L3MBTL4: variants seen among roughly 807,000 people sequenced by gnomAD.
The protein encoded by L3MBTL4 is L3MBTL histone methyl-lysine binding protein 4.
In L3MBTL4, 70 loss-of-function variants were observed where a neutral mutation model predicts 84.5. The ratio of observed to expected loss-of-function variants is 0.83; its 90% CI spans 0.68 to 1.01. The LOEUF (loss-of-function observed/expected upper bound fraction) is 1.01, where lower values mean the gene tolerates loss of function less well. L3MBTL4 is among the 50% of genes least tolerant of loss of function. The pLI, the probability that L3MBTL4 is intolerant of heterozygous loss-of-function variation, is 0.00. For synonymous variants in L3MBTL4, 274 were observed against 259.8 expected, an observed-to-expected ratio of 1.05 and a Z score of -0.52; for missense variants, 715 against 754.8, an observed-to-expected ratio of 0.95 and a Z score of 0.62.
intron 17 of L3MBTL4, among the ~76,000 whole-genome samples, chr18:5,964,313 T>G (rs2052223441): frequency 6.6e-6 from 1 of 152,216 alleles, no homozygotes; most frequent in Non-Finnish European, 1.5e-5. Context: ...CACGACCTAC[T>G]TTCCCTGGCA....
chr18:5,958,007 G>A (rs1260501680), intron 18 of L3MBTL4, among the ~76,000 whole-genome samples: 3 of 144,718 alleles, frequency 2.1e-5, no homozygotes, highest in Non-Finnish European at 3.0e-5. Flanking sequence ...GGAAGGAGAA[G>A]GAGGAGGAGG....
intron 16 of L3MBTL4, among the ~76,000 whole-genome samples, chr18:6,043,562 C>G (rs758888057): frequency 6.6e-6 from 1 of 152,204 alleles, no homozygotes; most frequent in Admixed American, 6.5e-5. Flanking sequence ...AATAAATAGG[C>G]TCTTAAGAGC....
rs1266689734 is a variant in L3MBTL4, at chr18:6,298,882, A to C, written c.127+3021T>G. On this transcript the variant is annotated intron_variant, in intron 4 of 18. Transcript: ENST00000317931. Reference sequence around the variant, plus strand: ...AGAGGGAAATTCTGTCCAAAAAAAAACAAAACAAAACAAAACAAACCCTCA... The same window carrying C: ...AGAGGGAAATTCTGTCCAAAAAAAACCAAAACAAAACAAAACAAACCCTCA... Among the ~76,000 whole-genome samples, 4 of 152,118 alleles carry C rather than the reference A, an allele frequency of 2.6e-5. No homozygotes were observed. The South Asian group carries it at 6.2e-4, about 24-fold the overall frequency.
intron 14 of L3MBTL4, among the ~76,000 whole-genome samples, chr18:6,114,800 G>A (rs2144170105): frequency 6.6e-6 from 1 of 152,296 alleles, no homozygotes; most frequent in Non-Finnish European, 1.5e-5. Context: ...ACTCTGTGAG[G>A]ATGCAGGACC....
intron 13 of L3MBTL4, among the ~76,000 whole-genome samples, chr18:6,159,862 T>C (rs1190081832): frequency 6.6e-6 from 1 of 152,286 alleles, no homozygotes; most frequent in South Asian, 2.1e-4. Flanking sequence ...ATCTATCTTA[T>C]TAGAAGCACT....
chr18:5,988,380 A>AGC (rs2053553885), intron 16 of L3MBTL4, among the ~76,000 whole-genome samples: 1 of 152,224 alleles, frequency 6.6e-6, no homozygotes, highest in Admixed American at 6.5e-5. Context: ...GCCCTGTATG[A>AGC]TATATTCAGA....
chr18:6,227,056 A>T (rs1041763578), intron 10 of L3MBTL4, among the ~76,000 whole-genome samples: 37 of 152,182 alleles, frequency 2.4e-4, no homozygotes, highest in Admixed American at 4.6e-4. Context: ...AAAAAGAAAA[A>T]TACATAAAAA....
chr18:6,054,701 A>C (rs1236948695), intron 16 of L3MBTL4, among the ~76,000 whole-genome samples: 1 of 152,176 alleles, frequency 6.6e-6, no homozygotes, highest in Non-Finnish European at 1.5e-5. Flanking sequence ...AGAGCTCCAC[A>C]ACAGCTCAGA....
At chr18:6,066,239 T>G (rs1458841746) in intron 16 of L3MBTL4, among the ~76,000 whole-genome samples, 1 of 152,154 alleles carries the variant, frequency 6.6e-6, no homozygotes, top group African/African-American at 2.4e-5. Context: ...TGATTTCGAT[T>G]TTTAAAAATT....
intron 16 of L3MBTL4, among the ~76,000 whole-genome samples, chr18:6,000,315 G>T (rs951791241): frequency 3.3e-5 from 5 of 152,118 alleles, no homozygotes; most frequent in Admixed American, 1.3e-4. Flanking sequence ...AGAAAATAAA[G>T]TAGAAATGTG....
chr18:6,040,396 C>A (rs1265473848), intron 16 of L3MBTL4, among the ~76,000 whole-genome samples: 2 of 152,130 alleles, frequency 1.3e-5, no homozygotes. Flanking sequence ...TGCTATATAT[C>A]CTGTTCCAAT....
Position 6,087,026 on chromosome 18 carries a change from C to T in L3MBTL4, c.1374-6075G>A, listed in dbSNP as rs562651670. On this transcript the variant is annotated intron_variant, in intron 15 of 18. Transcript: ENST00000317931. ...GTTCAAATCCTTGTCCTGACACTTACTAGTTTGGGTGATTTTCTTATCACC... is the reference window on the plus strand; with the variant it reads ...GTTCAAATCCTTGTCCTGACACTTATTAGTTTGGGTGATTTTCTTATCACC... 1.1e-4 allele frequency among the ~76,000 whole-genome samples: 17 copies of T among 152,306 alleles called. No individual in the cohort carries two copies. The South Asian group carries it at 3.3e-3, about 30-fold the overall frequency.
chr18:6,090,593 TACACACACACAC>T (rs71163260), intron 15 of L3MBTL4, among the ~76,000 whole-genome samples: 6 of 86,778 alleles, frequency 6.9e-5, no homozygotes, highest in Admixed American at 1.2e-4. Context: ...ATTATATATA[TACACACACACAC>T]ACACACACAC....
Position 6,081,004 on chromosome 18 carries a change from G to T in L3MBTL4, c.1374-53C>A, listed in dbSNP as rs371510100. 491 of 1,354,838 alleles carry T rather than the reference G, an allele frequency of 3.6e-4. No homozygotes were observed. The African/African-American group carries it at 6.3e-3, about 17-fold the overall frequency. 83.9% of individuals were successfully genotyped at this position (1,354,838 alleles called of 1,614,324 possible). A position where few individuals can be genotyped will look rare whatever the true frequency, so the allele number is the denominator to read the frequency against. On this transcript the variant is annotated intron_variant, in intron 15 of 18. Coordinates refer to ENST00000317931, the MANE Select transcript of L3MBTL4 (RefSeq NM_001330559.2). The stretch of plus-strand genomic sequence containing the variant: ...GATTCATTATCCTGTGAGGTAGGAA[G>T]AAATCATGATAGCAGCACAAATTTA...
intron 1 of L3MBTL4, among the ~76,000 whole-genome samples, chr18:6,355,900 G>A (rs1170595717): frequency 6.6e-6 from 1 of 151,404 alleles, no homozygotes. Context: ...TGCACGATAA[G>A]TGATTCACCA....
intron 1 of L3MBTL4, among the ~76,000 whole-genome samples, chr18:6,410,023 C>T (rs1304015193): frequency 2.6e-5 from 4 of 152,128 alleles, no homozygotes; most frequent in Admixed American, 6.5e-5. Flanking sequence ...CCCCGCTCCC[C>T]GGCCCAAGGT....
At chr18:5,956,819 A>G (rs929992024) in intron 18 of L3MBTL4, among the ~76,000 whole-genome samples, 1 of 152,330 alleles carries the variant, frequency 6.6e-6, no homozygotes, top group South Asian at 2.1e-4. Flanking sequence ...ACTGTTCCCA[A>G]TAATATCAGA....
intron 16 of L3MBTL4, among the ~76,000 whole-genome samples, chr18:5,994,143 C>T (rs1389046315): frequency 6.6e-6 from 1 of 152,226 alleles, no homozygotes; most frequent in Non-Finnish European, 1.5e-5. Context: ...CAGGTACTTC[C>T]TCTGAAGCCC....
chr18:6,046,341 A>C (rs2056617443), intron 16 of L3MBTL4, among the ~76,000 whole-genome samples: 1 of 152,228 alleles, frequency 6.6e-6, no homozygotes, highest in Non-Finnish European at 1.5e-5. Context: ...AGTGTTAGAC[A>C]GATCATCAAG....
Sources: gnomAD v4.1 joint callset for allele counts (sites outside exome capture counted in the v4.1 genomes callset) on GRCh38, gnomAD v4.1.1 for gene constraint, MANE v1.5 for transcripts, NCBI Gene and HGNC (gene_info 2026-07-23, HGNC 2026-07-21) for gene names.